FGD5: variants seen among roughly 807,000 people sequenced by gnomAD.
FGD5 encodes the protein FYVE, RhoGEF and PH domain-containing protein 5.
FGD5 carries 28 observed loss-of-function variants against 133.4 expected under a neutral mutation model. That is an observed-to-expected ratio of 0.21 (90% CI 0.16 to 0.29). The LOEUF (loss-of-function observed/expected upper bound fraction) is 0.29. Ranked by LOEUF, FGD5 falls within the 10% of genes least tolerant of loss-of-function variation. FGD5 has a pLI of 1.00. For synonymous variants in FGD5, 810 were observed against 776.5 expected, an observed-to-expected ratio of 1.04 and a Z score of -0.72; for missense variants, 1,858 against 1,895.2, an observed-to-expected ratio of 0.98 and a Z score of 0.36.
At chr3:14,911,657 G>T (rs187574755) in intron 11 of FGD5, among the ~76,000 whole-genome samples, 33 of 151,836 alleles carry the variant, frequency 2.2e-4, no homozygotes, top group African/African-American at 8.0e-4. Flanking sequence ...AGCACCTCGT[G>T]TGTGCTGGTG....
chr3:14,919,511 G>C (rs1575258804), intron 13 of FGD5, among the ~76,000 whole-genome samples: 1 of 152,178 alleles, frequency 6.6e-6, no homozygotes, highest in African/African-American at 2.4e-5. Flanking sequence ...GCAGCTACTC[G>C]GGAGGCTGAG....
At chr3:14,836,100 C>T (rs773639140) in intron 1 of FGD5, among the ~76,000 whole-genome samples, 4 of 152,214 alleles carry the variant, frequency 2.6e-5, no homozygotes, top group Non-Finnish European at 4.4e-5. Flanking sequence ...TGTGAAGCCT[C>T]CATGCCACAT....
intron 1 of FGD5, among the ~76,000 whole-genome samples, chr3:14,835,932 AGG>A (rs1487489400): frequency 6.6e-6 from 1 of 152,190 alleles, no homozygotes; most frequent in Non-Finnish European, 1.5e-5. Context: ...GGATCAGAGG[AGG>A]GCAGGAAAAG....
At chr3:14,843,321 T>A (rs560604219) in intron 1 of FGD5, among the ~76,000 whole-genome samples, 3 of 152,302 alleles carry the variant, frequency 2.0e-5, no homozygotes, top group Non-Finnish European at 2.9e-5. Context: ...GAGCATCCTC[T>A]GCGTGTGGCA....
chr3:14,898,829 G>A lies in FGD5; in HGVS notation c.3154+3G>A. ...CCAGTACCAAGTGCTCCTCACAGGT[G>A]GGCCCCACAGGAGATCAATGGGGAC... is the stretch of plus-strand genomic sequence containing the variant. On this transcript the variant is annotated splice_donor_region_variant and intron_variant, in intron 7 of 19. Coordinates refer to ENST00000285046, the MANE Select transcript of FGD5 (RefSeq NM_152536.4). The A allele has an allele frequency of 6.4e-7, 1 of 1,571,594 alleles. No individual in the cohort carries two copies. Among genetic ancestry groups the A allele is most frequent in the South Asian group, 1.2e-5 (1 of 85,458 alleles).
chr3:14,855,980 T>C (rs919035781), intron 1 of FGD5, among the ~76,000 whole-genome samples: 13 of 152,288 alleles, frequency 8.5e-5, no homozygotes, highest in African/African-American at 3.1e-4. Flanking sequence ...ATTTCTCCTA[T>C]GTTTTCTTCT....
At position 14,820,947 on chromosome 3, in the gene FGD5, A is replaced by G. The variant is rs764916655; in HGVS notation, c.1876A>G (p.Lys626Glu). 2 of 1,613,868 alleles carry G rather than the reference A, an allele frequency of 1.2e-6. No individual in the cohort carries two copies. The highest frequency in any genetic ancestry group is 1.7e-6 in the Non-Finnish European group (2 of 1,179,858). The change falls in exon 1 of 20, where the codon AAG becomes GAG. Residue 626 changes from lysine (K) to glutamate (E), a missense_variant. By Grantham distance (56) the Lys-to-Glu change is moderately conservative. Coordinates refer to ENST00000285046, the MANE Select transcript of FGD5 (RefSeq NM_152536.4). The stretch of plus-strand genomic sequence containing the variant: ...TCCTTTCGACCTGGCCTGCATCACC[A>G]AGAAGCCCATCACAAAGAGCTCTCC... ...PPPFDLACIT[K>E]KPITKSSPSL...
intron 1 of FGD5, among the ~76,000 whole-genome samples, chr3:14,832,726 T>A (rs2036740545): frequency 6.6e-6 from 1 of 152,182 alleles, no homozygotes; most frequent in African/African-American, 2.4e-5. Context: ...GAGAGCTTCC[T>A]GACTCTCCAG....
At chr3:14,928,132 A>G (rs293905) in intron 18 of FGD5, among the ~76,000 whole-genome samples, 108,314 of 151,464 alleles carry the variant, frequency 0.72, 39,148 homozygotes, top group African/African-American at 0.81. Context: ...AGTAGAGACG[A>G]GGTTTCACCA....
intron 1 of FGD5, among the ~76,000 whole-genome samples, chr3:14,842,311 C>T (rs1345350024): frequency 6.6e-6 from 1 of 152,168 alleles, no homozygotes; most frequent in Non-Finnish European, 1.5e-5. Flanking sequence ...ATCACCAGGG[C>T]CTAGGCACAG....
chr3:14,857,774 G>A (rs969701388), intron 1 of FGD5, among the ~76,000 whole-genome samples: 8 of 152,066 alleles, frequency 5.3e-5, no homozygotes, highest in Non-Finnish European at 7.3e-5. Context: ...AACTTATTTC[G>A]TCTGTTGCTG....
chr3:14,845,934 G>A (rs114334392), intron 1 of FGD5, among the ~76,000 whole-genome samples: 6,594 of 152,262 alleles, frequency 0.043, 181 homozygotes, highest in Middle Eastern at 0.071. Context: ...AGACATGAAG[G>A]ATGTGGAGTG....
At chr3:14,824,470 G>A (rs895776042) in intron 1 of FGD5, among the ~76,000 whole-genome samples, 5 of 152,196 alleles carry the variant, frequency 3.3e-5, no homozygotes, top group African/African-American at 1.2e-4. Flanking sequence ...TTGCTATAGT[G>A]TGAGGATTAG....
intron 2 of FGD5, among the ~76,000 whole-genome samples, chr3:14,879,502 G>A (rs976933836): frequency 6.6e-6 from 1 of 152,216 alleles, no homozygotes; most frequent in African/African-American, 2.4e-5. Flanking sequence ...AGGTGTGGAA[G>A]CTGGGGCTCA....
rs530330539 is a variant in FGD5 at position 14,826,464 on chromosome 3, GCTGC to G, written c.2525+4872_2525+4875del. On this transcript the variant is annotated intron_variant, in intron 1 of 19. Coordinates refer to ENST00000285046, the MANE Select transcript of FGD5 (RefSeq NM_152536.4). ...CTAAGCTCATAGGCTTTGGAGCCAA[GCTGC>G]CTGGGTATTGGTCTACACTTATTGT... Among the ~76,000 whole-genome samples, 89 of 152,338 alleles carry G rather than the reference GCTGC, an allele frequency of 5.8e-4. 1 individual carries two copies. The highest frequency in any genetic ancestry group is 2.7e-3 in the Admixed American group (41 of 15,294).
At chr3:14,844,260 A>G (rs1453527436) in intron 1 of FGD5, among the ~76,000 whole-genome samples, 2 of 77,842 alleles carry the variant, frequency 2.6e-5, no homozygotes, top group Admixed American at 2.8e-4. Context: ...ATATATATAT[A>G]TATATATATA....
At chr3:14,826,730 C>T (rs973969796) in intron 1 of FGD5, among the ~76,000 whole-genome samples, 4 of 152,178 alleles carry the variant, frequency 2.6e-5, no homozygotes, top group East Asian at 1.9e-4. Context: ...GGGAGAATCT[C>T]GTTCCTCTTG....
rs186446248 is a variant in FGD5 at position 14,854,700 on chromosome 3, G to A, written c.2526-9428G>A. On this transcript the variant is annotated intron_variant, in intron 1 of 19. Transcript: ENST00000285046. ...CTTCCAAAGTGCTGGGATTACAAGT[G>A]TGAGCCAGCAGACCTGGCCCTCTTT... 1.4e-4 allele frequency among the ~76,000 whole-genome samples: 21 copies of A among 152,208 alleles called. No homozygotes were observed. In the East Asian group the frequency reaches 2.9e-3, roughly 21 times the overall value.
chr3:14,924,238 C>G (rs1020540305), intron 17 of FGD5, 100 bp downstream of exon 17: 3 of 1,549,324 alleles, frequency 1.9e-6, no homozygotes, highest in Non-Finnish European at 2.6e-6. Flanking sequence ...CCCAGCCTGA[C>G]CAGTCTCTTC....
Sources: gnomAD v4.1 joint callset for allele counts (sites outside exome capture counted in the v4.1 genomes callset) on GRCh38, gnomAD v4.1.1 for gene constraint, MANE v1.5 for transcripts, NCBI Gene and HGNC (gene_info 2026-07-23, HGNC 2026-07-21) for gene names.